The following NUP205 variants were observed in gnomAD, a reference collection of about 807,000 sequenced individuals.
NUP205 encodes nuclear pore complex protein Nup205.
In NUP205, 76 loss-of-function variants were observed where a neutral mutation model predicts 253.8. That is an observed-to-expected ratio of 0.30 (90% confidence interval 0.25 to 0.36). The LOEUF is 0.36. Among genes scored for constraint, NUP205 ranks in the 10% least tolerant of loss-of-function variants. The pLI is 1.00. For synonymous variants in NUP205, 832 were observed against 850.1 expected (o/e 0.98, Z 0.37); for missense variants, 2,162 against 2,425.5 (o/e 0.89, Z 2.28).
chr7:135,570,414 C>T (rs1274602312), intron 1 of NUP205, among the ~76,000 whole-genome samples: 1 of 151,358 alleles, frequency 6.6e-6, no homozygotes, highest in African/African-American at 2.4e-5. Flanking sequence ...GGGGTTTCAC[C>T]ATGTTGGCCA....
At chr7:135,629,499 CTCTCTCTCTCTG>C (rs1412646718) in intron 34 of NUP205, among the ~76,000 whole-genome samples, 16 of 135,100 alleles carry the variant, frequency 1.2e-4, no homozygotes, top group African/African-American at 4.7e-4. Flanking sequence ...CTCTCTCTCT[CTCTCTCTCTCTG>C]TCTCTCTCTC....
At chr7:135,590,342 G>A (rs1806593098) in intron 10 of NUP205, among the ~76,000 whole-genome samples, 1 of 141,982 alleles carries the variant, frequency 7.0e-6, no homozygotes, top group Non-Finnish European at 1.6e-5. Flanking sequence ...TCGAACTCCT[G>A]ACCTCAGGTG....
chr7:135,628,108 G>A lies in NUP205; in HGVS notation c.4929G>A (p.Gly1643=). Residue 1643 remains glycine, a synonymous_variant, in exon 34 of 43, where the codon GGG becomes GGA. Coordinates refer to ENST00000285968, the MANE Select transcript of NUP205 (RefSeq NM_015135.3). ...TGGCCCAGCACTTGCAGGCAGCAGG[G>A]CAGGTAAGGTGAACCCTTTGTTTAG... ...SSMAQHLQAA[G]QVLQFLISHS... The A allele has an allele frequency of 6.2e-7, 1 of 1,608,018 alleles. No individual in the cohort carries two copies. The highest frequency in any genetic ancestry group is 1.1e-5 in the South Asian group (1 of 90,418).
At position 135,576,552 on chromosome 7, in the gene NUP205, T is replaced by C. The variant is rs1806156684; in HGVS notation, c.488+138T>C. On this transcript the variant is annotated intron_variant, in intron 4 of 42. Transcript: ENST00000285968. ...CTCCCTTATTCTGCCAAGACAGATA[T>C]AACAATTTAAACCTGTTTTATTGTG... 8.2e-6 allele frequency: 6 copies of C among 736,004 alleles called. No homozygotes were observed. In the East Asian group the frequency reaches 1.4e-4, roughly 17 times the overall value. The allele number at this position is 736,004 out of a possible 1,614,324, so 45.6% of individuals were successfully genotyped here.
At chr7:135,576,926 A>G (rs779939027) in intron 4 of NUP205, 43 bp from the exon 5 acceptor site, 6 of 1,571,532 alleles carry the variant, frequency 3.8e-6, no homozygotes, top group Non-Finnish European at 5.2e-6. Flanking sequence ...AGAAGCATAA[A>G]CAATATTGTT....
intron 3 of NUP205, 134 bp downstream of exon 3, chr7:135,573,959 A>G: frequency 4.1e-6 from 3 of 732,834 alleles, no homozygotes; most frequent in Non-Finnish European, 6.5e-6. Flanking sequence ...TATTCAAAAT[A>G]TTTCCTTTTT....
At chr7:135,587,296 T>C (rs1584653214) in intron 8 of NUP205, among the ~76,000 whole-genome samples, 1 of 152,152 alleles carries the variant, frequency 6.6e-6, no homozygotes, top group African/African-American at 2.4e-5. Flanking sequence ...GAAGAAACAT[T>C]GTGCCCAAAT....
chr7:135,641,841 A>T lies in NUP205; in HGVS notation c.5393-1351A>T, dbSNP rs150224167. 7.2e-4 allele frequency among the ~76,000 whole-genome samples: 109 copies of T among 152,162 alleles called. 5 individuals carry two copies. In the East Asian group the frequency reaches 0.019, roughly 27 times the overall value. On this transcript the variant is annotated intron_variant, in intron 38 of 42. Transcript: ENST00000285968. ...AGAAAGAAAAAGATCTATGAGTCAGACTTTAGAGCAAAGTTAAGGGAGTTG... is the reference window on the plus strand; with the variant it reads ...AGAAAGAAAAAGATCTATGAGTCAGTCTTTAGAGCAAAGTTAAGGGAGTTG...
chr7:135,584,832 C>G lies in NUP205; in HGVS notation c.1043C>G (p.Ala348Gly), dbSNP rs1281409294. The G allele has an allele frequency of 1.2e-6, 2 of 1,613,834 alleles. No homozygotes were observed. The highest frequency in any genetic ancestry group is 4.5e-5 in the East Asian group (2 of 44,848). The change falls in exon 8 of 43, where the codon GCT (alanine) becomes GGT (glycine). Residue 348 changes from alanine (A) to glycine (G), a missense_variant and splice_region_variant. Ala to Gly is a moderately conservative substitution (Grantham distance 60). This residue lies in a region of NUP205 where 892 missense variants were observed against 957.1 expected (regional missense o/e 0.93). Coordinates refer to ENST00000285968, the MANE Select transcript of NUP205 (RefSeq NM_015135.3). ...RGISQLPDVT[A>G]LAEFTEADEA... Reference sequence around the variant, plus strand: ...ACTGTGTTTTAAAATCTGTTTCTAGCTCTGGCAGAATTCACAGAGGCAGAT... The same window carrying G: ...ACTGTGTTTTAAAATCTGTTTCTAGGTCTGGCAGAATTCACAGAGGCAGAT...
chr7:135,586,214 AT>A (rs1451265306), intron 8 of NUP205, among the ~76,000 whole-genome samples: 2 of 152,168 alleles, frequency 1.3e-5, no homozygotes, highest in African/African-American at 2.4e-5. Context: ...GTATAAATTG[AT>A]TATCATAAAT....
At chr7:135,633,059 T>C (rs1794745285) in intron 35 of NUP205, among the ~76,000 whole-genome samples, 1 of 151,972 alleles carries the variant, frequency 6.6e-6, no homozygotes, top group Non-Finnish European at 1.5e-5. Context: ...TCGACCTACC[T>C]GGCTCAAGTG....
At chr7:135,583,884 C>T (rs1460838905) in intron 7 of NUP205, among the ~76,000 whole-genome samples, 1 of 148,580 alleles carries the variant, frequency 6.7e-6, no homozygotes, top group Non-Finnish European at 1.5e-5. Context: ...GCTCGTTTTC[C>T]AGGCTGGCGT....
chr7:135,613,447 A>G (rs1005354050), intron 22 of NUP205, among the ~76,000 whole-genome samples: 2 of 151,542 alleles, frequency 1.3e-5, no homozygotes, highest in Admixed American at 6.6e-5. Context: ...AGTTTTGGTA[A>G]TTTTAATCTT....
intron 1 of NUP205, among the ~76,000 whole-genome samples, chr7:135,561,808 T>A (rs753627610): frequency 5.3e-5 from 8 of 152,190 alleles, no homozygotes; most frequent in Non-Finnish European, 1.2e-4. Context: ...CCACTGATGA[T>A]CTCATGCGTC....
At chr7:135,573,112 A>G (rs1458721582) in intron 2 of NUP205, among the ~76,000 whole-genome samples, 1 of 152,140 alleles carries the variant, frequency 6.6e-6, no homozygotes. Context: ...TGTCTGCAAT[A>G]GAGGAGCTAG....
chr7:135,637,734 T>C (rs771034334), intron 36 of NUP205, among the ~76,000 whole-genome samples, 197 bp from the exon 37 acceptor site: 2 of 152,228 alleles, frequency 1.3e-5, no homozygotes, highest in Non-Finnish European at 2.9e-5. Flanking sequence ...TCTTTTCATC[T>C]GTTAGCTACC....
At chr7:135,601,039 A>G (rs922470613) in intron 16 of NUP205, 70 bp downstream of exon 16, 1 of 759,572 alleles carries the variant, frequency 1.3e-6, no homozygotes, top group Admixed American at 2.8e-5. Flanking sequence ...GCTATGTTAT[A>G]TATAAATTAA....
In NUP205 at chr7:135,617,224, GGACA is replaced by G. The variant is rs1485990047; in HGVS notation, c.3673_3676del (p.Thr1225SerfsTer12). On this transcript the variant is annotated frameshift_variant, in exon 26 of 43. Transcript: ENST00000285968. LOFTEE classifies it high-confidence loss of function. ...TAACTGTGAACACAAGAATTTACGGGGACAGACAGTCTGCAATGTCAAGGTGAGG... is the reference window on the plus strand; with the variant it reads ...TAACTGTGAACACAAGAATTTACGGGGACAGTCTGCAATGTCAAGGTGAGG... 6.2e-7 allele frequency: 1 copy of G among 1,613,490 alleles called. No individual in the cohort carries two copies.
chr7:135,591,192 G>A (rs117039100), intron 10 of NUP205, among the ~76,000 whole-genome samples: 98 of 152,252 alleles, frequency 6.4e-4, no homozygotes, highest in Non-Finnish European at 1.2e-3. Context: ...TAAAATCTGA[G>A]TGGTCTTATA....
Sources: gnomAD v4.1 joint callset for allele counts (sites outside exome capture counted in the v4.1 genomes callset) on GRCh38, gnomAD v4.1.1 for gene constraint, gnomAD v4.1.1 regional missense constraint, MANE v1.5 for transcripts, NCBI Gene and HGNC (gene_info 2026-07-23, HGNC 2026-07-21) for gene names.